The following SSX1 variants were observed in gnomAD, a reference collection of about 807,000 sequenced individuals.
SSX1 encodes the protein protein SSX1.
A neutral mutation model predicts 14.6 loss-of-function variants in SSX1; 58 were observed. That is an observed-to-expected ratio of 3.96 (90% confidence interval 3.21 to 4.93). The LOEUF (loss-of-function observed/expected upper bound fraction) is 4.93, where lower values mean the gene tolerates loss of function less well. SSX1 is among the 30% of genes most tolerant of loss of function. The probability of loss-of-function intolerance (pLI) is 0.00; values close to 1 mark genes in which losing one functional copy is unlikely to be tolerated. For synonymous variants in SSX1, 46 were observed against 52.1 expected, an observed-to-expected ratio of 0.88 and a Z score of 0.50; for missense variants, 272 against 143.1, an observed-to-expected ratio of 1.90 and a Z score of -4.60.
At chrX:48,258,286 G>C (rs1416667186) in intron 3 of SSX1, among the ~76,000 whole-genome samples, 1 of 103,427 alleles carries the variant, frequency 9.7e-6, no homozygotes, top group Non-Finnish European at 2.0e-5. Flanking sequence ...CGAACTCCTG[G>C]GCTCAAGCAA....
chrX:48,265,959 A>C lies in SSX1; in HGVS notation c.467-328A>C, dbSNP rs782172104. 1.7e-4 allele frequency among the ~76,000 whole-genome samples: 19 copies of C among 112,009 alleles called. No individual in the cohort carries two copies. The South Asian group carries it at 7.1e-3, about 42-fold the overall frequency. Reference sequence around the variant, plus strand: ...GTGTCTGCATAGCACTATAAAAATGAGGTGCCATAAAACAAGGTATGCCTG... The same window carrying C: ...GTGTCTGCATAGCACTATAAAAATGCGGTGCCATAAAACAAGGTATGCCTG... On this transcript the variant is annotated intron_variant, in intron 6 of 7. Coordinates refer to ENST00000376919, the MANE Select transcript of SSX1 (RefSeq NM_005635.4).
At chrX:48,256,855 G>T (rs2059583771) in intron 1 of SSX1, among the ~76,000 whole-genome samples, 1 of 109,314 alleles carries the variant, frequency 9.1e-6, no homozygotes. Flanking sequence ...ATTGAGTGGG[G>T]GTGTCAGAAC....
At chrX:48,256,593 G>A (rs1419348305) in intron 1 of SSX1, among the ~76,000 whole-genome samples, 6 of 107,160 alleles carry the variant, frequency 5.6e-5, no homozygotes, top group Admixed American at 3.1e-4. Flanking sequence ...GAGCCACTGC[G>A]CCTGGCCGAT....
intron 6 of SSX1, among the ~76,000 whole-genome samples, chrX:48,264,508 T>C (rs1177672810): frequency 8.9e-6 from 1 of 112,667 alleles, no homozygotes; most frequent in African/African-American, 3.2e-5. Context: ...TGTTAAAAAA[T>C]GCTAACAATC....
chrX:48,257,792 AG>A lies in SSX1; in HGVS notation c.117del (p.Met40Ter), dbSNP rs2059588010. 2 of 1,208,217 alleles carry A rather than the reference AG, an allele frequency of 1.7e-6. No individual in the cohort carries two copies. Among genetic ancestry groups the A allele is most frequent in the Non-Finnish European group, 1.1e-6 (1 of 893,233 alleles). ...TACTTCTCTAAGAAAGAGTGGAAAA[AG>A]ATGAAATACTCGGAGAAAATCAGCT... is the stretch of plus-strand genomic sequence containing the variant. ...ATYFSKKEWK[K>X]MKYSEKISYV... On this transcript the variant is annotated frameshift_variant, in exon 3 of 8. Transcript: ENST00000376919. LOFTEE classifies it high-confidence loss of function.
At position 48,267,357 on chromosome X, in the gene SSX1, CT is replaced by C. The variant is rs199946800; in HGVS notation, c.*509del. Reference sequence around the variant, plus strand: ...TGCCATGCGTCCTGGTCAAGCCCCCCTCACTCTGTTTCCTGTTCAGCATGTA... The same window carrying C: ...TGCCATGCGTCCTGGTCAAGCCCCCCCACTCTGTTTCCTGTTCAGCATGTA... On this transcript the variant is annotated 3_prime_UTR_variant, in exon 8 of 8. Transcript: ENST00000376919. 3,664 of 190,682 alleles carry C rather than the reference CT, an allele frequency of 0.019. 130 individuals are homozygous for C. Among genetic ancestry groups the C allele is most frequent in the African/African-American group, 0.1 (3,368 of 33,058 alleles). The allele number at this position is 190,682 out of a possible 1,213,427, so 15.7% of individuals were successfully genotyped here.
At chrX:48,266,427 C>G (rs1556936494) in intron 7 of SSX1, 36 bp downstream of exon 7, 1 of 1,205,508 alleles carries the variant, frequency 8.3e-7, no homozygotes, top group Admixed American at 2.2e-5. Context: ...CACATCCCTG[C>G]AGATGTGCTA....
intron 6 of SSX1, among the ~76,000 whole-genome samples, chrX:48,264,638 TAAAAG>T (rs2146615929): frequency 8.9e-6 from 1 of 111,973 alleles, no homozygotes; most frequent in East Asian, 2.8e-4. Flanking sequence ...GGCAGTTTCT[TAAAAG>T]AACACAACAA....
At chrX:48,256,598 G>A (rs60180514) in intron 1 of SSX1, among the ~76,000 whole-genome samples, 1,337 of 108,469 alleles carry the variant, frequency 0.012, 19 homozygotes, top group African/African-American at 0.043. Context: ...ACTGCGCCTG[G>A]CCGATTGCTG....
At chrX:48,264,065 G>C in intron 6 of SSX1, 148 bp downstream of exon 6, 1 of 1,043,082 alleles carries the variant, frequency 9.6e-7, no homozygotes, top group African/African-American at 1.9e-5. Flanking sequence ...TGTTAGACAT[G>C]ACTTCCAGAG....
chrX:48,265,484 G>A (rs1438881343), intron 6 of SSX1, among the ~76,000 whole-genome samples: 7 of 111,833 alleles, frequency 6.3e-5, no homozygotes, highest in African/African-American at 2.3e-4. Flanking sequence ...AAGAGATGGG[G>A]AAGAGCTCAT....
chrX:48,256,533 T>C (rs1157107475), intron 1 of SSX1, among the ~76,000 whole-genome samples: 1 of 92,970 alleles, frequency 1.1e-5, no homozygotes, highest in African/African-American at 4.0e-5. Context: ...CCTCCTGGGC[T>C]CAAGAGATCT....
chrX:48,256,428 C>T (rs1490858841), intron 1 of SSX1, among the ~76,000 whole-genome samples: 3 of 103,883 alleles, frequency 2.9e-5, no homozygotes, highest in Non-Finnish European at 3.9e-5. Flanking sequence ...CCTGTGCCAC[C>T]GCCCCCAGCT....
chrX:48,256,212 C>T (rs1444644574), intron 1 of SSX1, among the ~76,000 whole-genome samples: 1 of 109,971 alleles, frequency 9.1e-6, no homozygotes, highest in Non-Finnish European at 1.9e-5. Flanking sequence ...CTATGTTGGC[C>T]AGGCTGGCCT....
chrX:48,259,459 T>A (rs1185695899), intron 4 of SSX1, among the ~76,000 whole-genome samples: 1 of 111,684 alleles, frequency 9.0e-6, no homozygotes, highest in Non-Finnish European at 1.9e-5. Flanking sequence ...ACACTGTTTT[T>A]TTTTATTATA....
chrX:48,265,660 T>C (rs1433383336), intron 6 of SSX1, among the ~76,000 whole-genome samples: 5 of 111,944 alleles, frequency 4.5e-5, no homozygotes, highest in South Asian at 3.8e-4. Flanking sequence ...ATTGGATTGT[T>C]TGTAACACAA....
At position 48,266,781 on chromosome X, in the gene SSX1, G is replaced by A. The variant is rs2059625535; in HGVS notation, c.*5-73G>A. On this transcript the variant is annotated intron_variant, in intron 7 of 7. Coordinates refer to ENST00000376919, the MANE Select transcript of SSX1 (RefSeq NM_005635.4). Reference sequence around the variant, plus strand: ...AGAGTGTGCAGGGTCTGCAGGTCAGGAGGAGTTGAGGTTGAGTTATTGGGC... The same window carrying A: ...AGAGTGTGCAGGGTCTGCAGGTCAGAAGGAGTTGAGGTTGAGTTATTGGGC... 4.3e-5 allele frequency: 29 copies of A among 677,715 alleles called. No individual in the cohort carries two copies. In the South Asian group the frequency reaches 6.7e-4, roughly 16 times the overall value. The allele number at this position is 677,715 out of a possible 1,213,427, so 55.9% of individuals were successfully genotyped here. A position where few individuals can be genotyped will look rare whatever the true frequency, so the allele number is the denominator to read the frequency against.
chrX:48,257,801 A>T lies in SSX1; in HGVS notation c.125A>T (p.Tyr42Phe), dbSNP rs782785818. 4 of 1,206,235 alleles carry T rather than the reference A, an allele frequency of 3.3e-6. No homozygotes were observed. The African/African-American group carries it at 5.3e-5, about 16-fold the overall frequency. The change falls in exon 3 of 8, where the codon TAC becomes TTC. Residue 42 changes from tyrosine to phenylalanine, a missense_variant. Coordinates refer to ENST00000376919, the MANE Select transcript of SSX1 (RefSeq NM_005635.4). Reference sequence around the variant, plus strand: ...AAGAAAGAGTGGAAAAAGATGAAATACTCGGAGAAAATCAGCTATGTGTAT... The same window carrying T: ...AAGAAAGAGTGGAAAAAGATGAAATTCTCGGAGAAAATCAGCTATGTGTAT... Reference protein sequence around the residue: ...FSKKEWKKMKYSEKISYVYMK... With the variant: ...FSKKEWKKMKFSEKISYVYMK...
At chrX:48,257,565 C>A in intron 2 of SSX1, 181 bp from the exon 3 acceptor site, 15 of 752,948 alleles carry the variant, frequency 2.0e-5, no homozygotes, top group Non-Finnish European at 2.3e-5. Context: ...AGCATTAAAG[C>A]CCTAATGTGT....
Sources: gnomAD v4.1 joint callset for allele counts (sites outside exome capture counted in the v4.1 genomes callset) on GRCh38, gnomAD v4.1.1 for gene constraint, MANE v1.5 for transcripts, NCBI Gene and HGNC (gene_info 2026-07-23, HGNC 2026-07-21) for gene names.